The following ST3GAL3 variants were observed in gnomAD, a reference collection of about 807,000 sequenced individuals.
ST3GAL3 encodes ST3 beta-galactoside alpha-2,3-sialyltransferase 3.
A neutral mutation model predicts 50.1 loss-of-function variants in ST3GAL3; 21 were observed. The observed-to-expected ratio is 0.42, with a 90% CI of 0.30 to 0.60. The LOEUF is 0.60. Among genes scored for constraint, ST3GAL3 ranks in the 20% least tolerant of loss-of-function variants. ST3GAL3 has a pLI of 0.19. For missense variants in ST3GAL3, 353 were observed against 489.4 expected (o/e 0.72, Z 2.63); for synonymous variants, 183 against 190.0 (o/e 0.96, Z 0.30).
At chr1:43,851,766 C>T (rs1013077101) in intron 5 of ST3GAL3, among the ~76,000 whole-genome samples, 12 of 152,162 alleles carry the variant, frequency 7.9e-5, no homozygotes, top group Non-Finnish European at 1.8e-4. Context: ...AACACAGCCC[C>T]GCACATGTGC....
Position 43,826,312 on chromosome 1 carries a change from A to G in ST3GAL3, c.209+11379A>G, listed in dbSNP as rs145971190. 1.9e-3 allele frequency among the ~76,000 whole-genome samples: 295 copies of G among 152,330 alleles called. 1 individual carries two copies. The highest frequency in any genetic ancestry group is 7.0e-3 in the African/African-American group (289 of 41,580). On this transcript the variant is annotated intron_variant, in intron 4 of 11. Coordinates refer to ENST00000347631, the MANE Select transcript of ST3GAL3 (RefSeq NM_006279.5). Reference sequence around the variant, plus strand: ...CATTGTGAACAACTCTGTACTCACAAATCTGATAACTTAGATGAAATGGAC... The same window carrying G: ...CATTGTGAACAACTCTGTACTCACAGATCTGATAACTTAGATGAAATGGAC...
chr1:43,903,130 G>A (rs143585617), intron 9 of ST3GAL3, among the ~76,000 whole-genome samples: 1,794 of 152,282 alleles, frequency 0.012, 17 homozygotes, highest in Non-Finnish European at 0.02. Context: ...AAGAGACCAC[G>A]CTCCCTTCAG....
intron 1 of ST3GAL3, among the ~76,000 whole-genome samples, chr1:43,708,559 A>T (rs1274743358): frequency 6.6e-6 from 1 of 152,250 alleles, no homozygotes; most frequent in African/African-American, 2.4e-5. Context: ...TCTAAGGCAG[A>T]ATTATCTTGT....
chr1:43,747,380 C>G (rs112646031), intron 2 of ST3GAL3, among the ~76,000 whole-genome samples: 34,861 of 151,658 alleles, frequency 0.23, 4,796 homozygotes, highest in Non-Finnish European at 0.31. Context: ...CCACTGCACT[C>G]CAGTCTGGGT....
intron 5 of ST3GAL3, among the ~76,000 whole-genome samples, chr1:43,859,293 A>C (rs959095703): frequency 6.6e-6 from 1 of 152,162 alleles, no homozygotes; most frequent in African/African-American, 2.4e-5. Flanking sequence ...AGTATGCGGA[A>C]GTTTCCTACA....
intron 2 of ST3GAL3, among the ~76,000 whole-genome samples, chr1:43,767,824 T>A (rs200479427): frequency 3.5e-5 from 5 of 144,216 alleles, no homozygotes; most frequent in African/African-American, 7.7e-5. Context: ...AAAGTATAAT[T>A]AAAAAAAAAA....
intron 1 of ST3GAL3, among the ~76,000 whole-genome samples, chr1:43,734,856 CTGAT>C (rs1475237117): frequency 6.6e-6 from 1 of 151,896 alleles, no homozygotes; most frequent in Non-Finnish European, 1.5e-5. Context: ...GCTGAGATAT[CTGAT>C]TGGGTTTGGT....
chr1:43,912,672 A>G (rs1208630433), intron 9 of ST3GAL3: 1 of 152,234 alleles, frequency 6.6e-6, no homozygotes, highest in African/African-American at 2.4e-5. Flanking sequence ...ACCATGGTTA[A>G]TCTCTATTCC....
At chr1:43,814,376 T>C (rs1030273241) in intron 3 of ST3GAL3, among the ~76,000 whole-genome samples, 1 of 152,240 alleles carries the variant, frequency 6.6e-6, no homozygotes, top group African/African-American at 2.4e-5. Flanking sequence ...CAATTTATCT[T>C]TAAATTTTAT....
intron 6 of ST3GAL3, among the ~76,000 whole-genome samples, chr1:43,897,016 A>G (rs1337763482): frequency 4.3e-5 from 6 of 141,012 alleles, no homozygotes; most frequent in African/African-American, 1.6e-4. Context: ...CTATATTGGT[A>G]CATACAGCTG....
At chr1:43,857,572 T>TTCCTCCCTTCCTTCC (rs1558605176) in intron 5 of ST3GAL3, among the ~76,000 whole-genome samples, 1 of 80,878 alleles carries the variant, frequency 1.2e-5, no homozygotes, top group African/African-American at 6.1e-5. Flanking sequence ...TCCTTCTTTC[T>TTCCTCCCTTCCTTCC]TTCCTTCCTC....
intron 2 of ST3GAL3, among the ~76,000 whole-genome samples, chr1:43,773,423 C>G (rs1324774896): frequency 1.3e-5 from 2 of 152,188 alleles, no homozygotes; most frequent in African/African-American, 4.8e-5. Context: ...TTTGTTTCCT[C>G]TTAGCATTTT....
intron 5 of ST3GAL3, among the ~76,000 whole-genome samples, chr1:43,872,277 TG>T (rs1452302608): frequency 1.9e-5 from 1 of 51,822 alleles, no homozygotes; most frequent in Non-Finnish European, 3.6e-5. Flanking sequence ...GGAGGGGCTG[TG>T]GGGGGGACGG....
At chr1:43,886,968 G>T (rs2076081417) in intron 5 of ST3GAL3, among the ~76,000 whole-genome samples, 1 of 152,218 alleles carries the variant, frequency 6.6e-6, no homozygotes, top group Non-Finnish European at 1.5e-5. Flanking sequence ...GTGTCATAGG[G>T]ATGGGGTAAG....
rs143540612 is a variant in ST3GAL3 at position 43,802,442 on chromosome 1, A to T, written c.166+10293A>T. ...ACTTTTTTGTATCAGGTATTTCAAA[A>T]TAGCGTGAAGCTCTGTTGCAAAATG... On this transcript the variant is annotated intron_variant, in intron 3 of 11. Transcript: ENST00000347631. 7.8e-4 allele frequency among the ~76,000 whole-genome samples: 119 copies of T among 152,368 alleles called. 1 individual carries two copies. The highest frequency in any genetic ancestry group is 3.0e-3 in the Admixed American group (46 of 15,308).
At chr1:43,803,141 G>C (rs556682599) in intron 3 of ST3GAL3, among the ~76,000 whole-genome samples, 180 of 152,238 alleles carry the variant, frequency 1.2e-3, no homozygotes, top group African/African-American at 4.0e-3. Context: ...GGCCAGGCTG[G>C]TCTTGAACTC....
chr1:43,883,971 A>C (rs1429129912), intron 5 of ST3GAL3, among the ~76,000 whole-genome samples: 2 of 152,234 alleles, frequency 1.3e-5, no homozygotes, highest in African/African-American at 4.8e-5. Flanking sequence ...TTGTACCAAA[A>C]TATAGCATCC....
intron 11 of ST3GAL3, chr1:43,921,687 T>G: frequency 2.5e-6 from 1 of 398,782 alleles, no homozygotes; most frequent in Non-Finnish European, 4.4e-6. Flanking sequence ...TTATCAGTCT[T>G]CTTATCTATC....
At chr1:43,887,979 C>T (rs1056041216) in intron 5 of ST3GAL3, among the ~76,000 whole-genome samples, 2 of 151,982 alleles carry the variant, frequency 1.3e-5, no homozygotes, top group Non-Finnish European at 2.9e-5. Context: ...GACTAGAGCA[C>T]AGCACAGGAC....
Sources: gnomAD v4.1 joint callset for allele counts (sites outside exome capture counted in the v4.1 genomes callset) on GRCh38, gnomAD v4.1.1 for gene constraint, MANE v1.5 for transcripts, NCBI Gene and HGNC (gene_info 2026-07-23, HGNC 2026-07-21) for gene names.